LIMK2: variants seen among roughly 807,000 people sequenced by gnomAD.
LIMK2 encodes the protein LIM domain kinase 2.
In LIMK2, 35 loss-of-function variants were observed where a neutral mutation model predicts 75.7. That is an observed-to-expected ratio of 0.46 (90% confidence interval 0.35 to 0.61). The LOEUF (loss-of-function observed/expected upper bound fraction) is 0.61. Among genes scored for constraint, LIMK2 ranks in the 20% least tolerant of loss-of-function variants. LIMK2 has a pLI of 0.00. For missense variants in LIMK2, 623 were observed against 831.0 expected (o/e 0.75, Z 3.08); for synonymous variants, 301 against 319.2 (o/e 0.94, Z 0.61).
At chr22:31,216,637 T>C (rs577320148) in intron 1 of LIMK2, among the ~76,000 whole-genome samples, 12 of 152,158 alleles carry the variant, frequency 7.9e-5, no homozygotes, top group Non-Finnish European at 1.6e-4. Context: ...TGGATGGTCC[T>C]GGATATGTGA....
intron 9 of LIMK2, among the ~76,000 whole-genome samples, chr22:31,267,308 G>T (rs2048905662): frequency 6.6e-6 from 1 of 152,202 alleles, no homozygotes; most frequent in Admixed American, 6.5e-5. Flanking sequence ...AAGATACAGG[G>T]TTCAGAAGAG....
intron 12 of LIMK2, among the ~76,000 whole-genome samples, chr22:31,272,124 A>G (rs1288866653): frequency 6.6e-6 from 1 of 152,016 alleles, no homozygotes; most frequent in African/African-American, 2.4e-5. Context: ...GCAGTGGTGC[A>G]ATCTTGGCTT....
chr22:31,266,716 G>A (rs2048899629), intron 8 of LIMK2, among the ~76,000 whole-genome samples: 1 of 152,164 alleles, frequency 6.6e-6, no homozygotes, highest in African/African-American at 2.4e-5. Context: ...GCTTGGCTTG[G>A]CAGCATCCCC....
intron 2 of LIMK2, among the ~76,000 whole-genome samples, chr22:31,242,182 C>CATGAAA (rs2048628652): frequency 6.6e-6 from 1 of 152,162 alleles, no homozygotes; most frequent in African/African-American, 2.4e-5. Context: ...TGATGAGTAA[C>CATGAAA]CCAGTGAAAA....
chr22:31,240,683 A>T (rs1210433489), intron 2 of LIMK2, among the ~76,000 whole-genome samples: 2 of 151,994 alleles, frequency 1.3e-5, no homozygotes, highest in Non-Finnish European at 2.9e-5. Context: ...CAGCCTCCCA[A>T]AGTGCTGGGA....
intron 8 of LIMK2, among the ~76,000 whole-genome samples, chr22:31,266,479 A>C (rs756216147): frequency 3.9e-5 from 6 of 152,164 alleles, no homozygotes; most frequent in Non-Finnish European, 7.4e-5. Flanking sequence ...CCTGGTGAAC[A>C]GTCTCAGGGA....
Position 31,259,470 on chromosome 22 carries a change from A to T in LIMK2, c.362+240A>T, listed in dbSNP as rs148925845. 1.5e-4 allele frequency among the ~76,000 whole-genome samples: 23 copies of T among 152,218 alleles called. No individual in the cohort carries two copies. In the East Asian group the frequency reaches 4.4e-3, roughly 29 times the overall value. ...TCTGCCCTGCAATCCTCCCAGTGGG[A>T]GGCACTCTTCAAGGACGATCCCAGA... On this transcript the variant is annotated intron_variant, in intron 4 of 15. Transcript: ENST00000331728.
intron 1 of LIMK2, among the ~76,000 whole-genome samples, chr22:31,215,662 A>G (rs570326061): frequency 1.3e-4 from 20 of 152,218 alleles, no homozygotes; most frequent in Non-Finnish European, 2.2e-4. Context: ...AATGAGTTAT[A>G]TATAGTTTGT....
At chr22:31,237,599 A>G (rs1163059288) in intron 2 of LIMK2, among the ~76,000 whole-genome samples, 2 of 151,576 alleles carry the variant, frequency 1.3e-5, no homozygotes, top group African/African-American at 2.4e-5. Flanking sequence ...CTTACTACCT[A>G]CCTCCTTACA....
chr22:31,256,465 C>T (rs1348335584), intron 2 of LIMK2, among the ~76,000 whole-genome samples: 2 of 149,022 alleles, frequency 1.3e-5, no homozygotes, highest in Admixed American at 1.3e-4. Flanking sequence ...CTCAGCCTCC[C>T]GAGTAGCTGG....
chr22:31,256,148 G>T (rs1440894101), intron 2 of LIMK2, among the ~76,000 whole-genome samples: 5 of 150,620 alleles, frequency 3.3e-5, no homozygotes, highest in African/African-American at 1.2e-4. Context: ...ACCAGTGCAC[G>T]CCACCACGCC....
rs1435445973 is a variant in LIMK2 at position 31,279,613 on chromosome 22, G to A, written c.*1172G>A. The A allele has an allele frequency of 6.6e-6, 1 of 152,198 alleles. No individual in the cohort carries two copies. Among genetic ancestry groups the A allele is most frequent in the East Asian group, 1.9e-4 (1 of 5,192 alleles). 9.4% of individuals were successfully genotyped at this position (152,198 alleles called of 1,614,324 possible). On this transcript the variant is annotated 3_prime_UTR_variant, in exon 16 of 16. Transcript: ENST00000331728. ...TCCTGAGCCACATGTGCAGGTACTG[G>A]AAAACCTCCATCTTGGCTCCCAGAG...
intron 1 of LIMK2, among the ~76,000 whole-genome samples, chr22:31,213,465 T>C (rs2123755022): frequency 6.6e-6 from 1 of 152,358 alleles, no homozygotes; most frequent in South Asian, 2.1e-4. Context: ...CTTCCTGGCT[T>C]TCCGTCTGTG....
At chr22:31,270,124 C>T (rs375213865) in intron 11 of LIMK2, among the ~76,000 whole-genome samples, 4 of 152,134 alleles carry the variant, frequency 2.6e-5, no homozygotes, top group East Asian at 3.9e-4. Flanking sequence ...ATCTTCTGGG[C>T]AGGAAACTGG....
At position 31,272,646 on chromosome 22, in the gene LIMK2, C is replaced by T. The variant is rs1490734726; in HGVS notation, c.1500C>T (p.Arg500=). The T allele has an allele frequency of 1.1e-5, 18 of 1,613,940 alleles. No individual in the cohort carries two copies. The highest frequency in any genetic ancestry group is 8.9e-5 in the East Asian group (4 of 44,858). ...TKKRTLRKND[R]KKRYTVVGNP... is the part of the protein sequence containing the mutation. ...AACGCACCTTGCGCAAGAACGACCG[C>T]AAGAAGCGCTACACGGTGGTGGGAA... The change falls in exon 13 of 16, where the codon CGC becomes CGT. Residue 500 remains arginine, a synonymous_variant. Coordinates refer to ENST00000331728, the MANE Select transcript of LIMK2 (RefSeq NM_005569.4).
At chr22:31,243,936 T>G (rs1285983943) in intron 2 of LIMK2, among the ~76,000 whole-genome samples, 1 of 152,228 alleles carries the variant, frequency 6.6e-6, no homozygotes, top group African/African-American at 2.4e-5. Flanking sequence ...TGATCAATCC[T>G]TCAAAGGTTC....
At chr22:31,232,148 G>A (rs1297444327) in intron 2 of LIMK2, among the ~76,000 whole-genome samples, 1 of 151,436 alleles carries the variant, frequency 6.6e-6, no homozygotes, top group Non-Finnish European at 1.5e-5. Flanking sequence ...AAACAGGAAG[G>A]CCCAGAAAGG....
At chr22:31,244,482 G>A (rs772902575) in intron 2 of LIMK2, among the ~76,000 whole-genome samples, 7 of 152,200 alleles carry the variant, frequency 4.6e-5, no homozygotes, top group South Asian at 4.1e-4. Context: ...TCAGTATCCC[G>A]TATGTTATTT....
chr22:31,278,442 C>A lies in LIMK2; in HGVS notation c.*1C>A, dbSNP rs761895476. On this transcript the variant is annotated 3_prime_UTR_variant, in exon 16 of 16. Coordinates refer to ENST00000331728, the MANE Select transcript of LIMK2 (RefSeq NM_005569.4). ...CCTGACCCGGGACTCACCTCCCTAG[C>A]CCTGGCCCAGCCCCCTGCAGGGGGG... 10 of 1,605,634 alleles carry A rather than the reference C, an allele frequency of 6.2e-6. No individual in the cohort carries two copies. The highest frequency in any genetic ancestry group is 8.5e-6 in the Non-Finnish European group (10 of 1,175,844).
Sources: allele counts gnomAD v4.1 joint callset (sites outside exome capture counted in the v4.1 genomes callset), GRCh38; gene constraint gnomAD v4.1.1; transcripts MANE v1.5; gene names NCBI Gene and HGNC (gene_info 2026-07-23, HGNC 2026-07-21).